The following PREP variants were observed in gnomAD, a reference collection of about 807,000 sequenced individuals.
PREP encodes prolyl endopeptidase, also known as dJ355L5.1 (prolyl endopeptidase).
In PREP, 29 loss-of-function variants were observed where a neutral mutation model predicts 87.6. That is an observed-to-expected ratio of 0.33 (90% CI 0.25 to 0.45). The LOEUF is 0.45. Among genes scored for constraint, PREP ranks in the 20% least tolerant of loss-of-function variants. PREP has a pLI of 1.00. For missense variants in PREP, 695 were observed against 886.5 expected (o/e 0.78, Z 2.74); for synonymous variants, 337 against 328.6 (o/e 1.03, Z -0.28).
chr6:105,302,557 G>A (rs1770560599), intron 10 of PREP: 10 of 393,118 alleles, frequency 2.5e-5, no homozygotes, highest in East Asian at 1.3e-4. Context: ...TGGCGCAGGC[G>A]CATGTTTTCT....
At position 105,369,039 on chromosome 6, in the gene PREP, A is replaced by C; in HGVS notation, c.596-15T>G. ...TGTCTCTGTGCCTGAAGGAGTTAAA[A>C]ATGTACACTGAAATGTACTTGATAA... On this transcript the variant is annotated splice_polypyrimidine_tract_variant and intron_variant, in intron 5 of 14. Coordinates refer to ENST00000652536, the MANE Select transcript of PREP (RefSeq NM_002726.5). 1 of 1,613,300 alleles carries C rather than the reference A, an allele frequency of 6.2e-7. No individual in the cohort carries two copies. The highest frequency in any genetic ancestry group is 8.5e-7 in the Non-Finnish European group (1 of 1,179,418).
intron 10 of PREP, among the ~76,000 whole-genome samples, chr6:105,317,119 A>T (rs946879022): frequency 1.8e-4 from 28 of 151,730 alleles, no homozygotes; most frequent in Non-Finnish European, 4.0e-4. Flanking sequence ...CTAATTAAAA[A>T]AAAATATATA....
intron 1 of PREP, among the ~76,000 whole-genome samples, chr6:105,399,108 AG>A (rs1338379733): frequency 6.6e-6 from 1 of 151,878 alleles, no homozygotes; most frequent in Non-Finnish European, 1.5e-5. Context: ...ACTTCATCTC[AG>A]AAAAAAAAAA....
chr6:105,277,439 C>G lies in PREP; in HGVS notation c.*705G>C, dbSNP rs59679654. ...CAGCCCAGTGATTTTTGAAAGGAGG[C>G]ATCCAAACCAAAAGAGCCCCAGATC... is the stretch of plus-strand genomic sequence containing the variant. On this transcript the variant is annotated 3_prime_UTR_variant, in exon 15 of 15. Coordinates refer to ENST00000652536, the MANE Select transcript of PREP (RefSeq NM_002726.5). 20,678 of 152,046 alleles carry G rather than the reference C, an allele frequency of 0.14. 1,413 individuals are homozygous for G. The highest frequency in any genetic ancestry group is 0.19 in the Middle Eastern group (56 of 294). 9.4% of individuals were successfully genotyped at this position (152,046 alleles called of 1,614,324 possible).
At chr6:105,391,060 C>CTT (rs1554212311) in intron 2 of PREP, among the ~76,000 whole-genome samples, 2 of 140,168 alleles carry the variant, frequency 1.4e-5, no homozygotes, top group Non-Finnish European at 3.1e-5. Context: ...CACACACACA[C>CTT]TTTTTTTTTT....
At chr6:105,386,080 A>AGC (rs1772987850) in intron 2 of PREP, among the ~76,000 whole-genome samples, 1 of 152,218 alleles carries the variant, frequency 6.6e-6, no homozygotes, top group Non-Finnish European at 1.5e-5. Context: ...AGATAGCACC[A>AGC]TTGCACTCCA....
At chr6:105,364,755 G>A (rs1329324420) in intron 6 of PREP, among the ~76,000 whole-genome samples, 2 of 152,168 alleles carry the variant, frequency 1.3e-5, no homozygotes, top group African/African-American at 4.8e-5. Flanking sequence ...CTTGCCCAAG[G>A]CCACAGACCG....
At chr6:105,355,092 GTTTT>G (rs1213054816) in intron 6 of PREP, among the ~76,000 whole-genome samples, 4 of 135,602 alleles carry the variant, frequency 2.9e-5, no homozygotes, top group African/African-American at 1.1e-4. Context: ...TCGGGTTGTA[GTTTT>G]TTTTTTTTTT....
At chr6:105,347,150 GA>G (rs1240702165) in intron 7 of PREP, among the ~76,000 whole-genome samples, 1 of 152,032 alleles carries the variant, frequency 6.6e-6, no homozygotes, top group Non-Finnish European at 1.5e-5. Context: ...GAAAATTAAA[GA>G]ACCAAAGAGA....
intron 4 of PREP, among the ~76,000 whole-genome samples, chr6:105,374,541 G>A (rs1772636375): frequency 6.6e-6 from 1 of 150,680 alleles, no homozygotes; most frequent in Admixed American, 6.6e-5. Flanking sequence ...AGGCTCATAT[G>A]TATGTAAATG....
At chr6:105,395,685 G>A (rs1183220666) in intron 2 of PREP, among the ~76,000 whole-genome samples, 2 of 152,122 alleles carry the variant, frequency 1.3e-5, no homozygotes, top group Non-Finnish European at 2.9e-5. Context: ...TGTCATCCAC[G>A]AACCTGTCAT....
chr6:105,285,549 C>A lies in PREP; in HGVS notation c.1486G>T (p.Gly496Cys). The stretch of plus-strand genomic sequence containing the variant: ...ATGTTGGCCACTGCCAGGATACCAC[C>A]CATGTGTCTCACAAAAATAAGCCTG... ...VSRLIFVRHM[G>C]GILAVANIRG... Residue 496 changes from glycine (G) to cysteine (C), a missense_variant, in exon 12 of 15, where the codon GGT becomes TGT. Gly to Cys is a radical substitution (Grantham distance 159). Coordinates refer to ENST00000652536, the MANE Select transcript of PREP (RefSeq NM_002726.5). The A allele has an allele frequency of 6.2e-7, 1 of 1,614,106 alleles. No homozygotes were observed.
intron 7 of PREP, among the ~76,000 whole-genome samples, chr6:105,334,545 C>T (rs1009363545): frequency 3.3e-5 from 5 of 152,074 alleles, no homozygotes; most frequent in East Asian, 1.9e-4. Flanking sequence ...ACGGTGAAAC[C>T]CTGTCTCTAT....
intron 7 of PREP, among the ~76,000 whole-genome samples, chr6:105,349,342 T>C (rs1005892462): frequency 3.3e-5 from 5 of 152,212 alleles, no homozygotes; most frequent in East Asian, 1.9e-4. Flanking sequence ...TCCACACTTA[T>C]TTGACAAAAT....
At chr6:105,374,645 TA>T in intron 4 of PREP, among the ~76,000 whole-genome samples, 1 of 242 alleles carries the variant, frequency 4.1e-3, no homozygotes, top group Admixed American at 0.056. Context: ...TATATATATA[TA>T]TATATATATA....
intron 6 of PREP, among the ~76,000 whole-genome samples, chr6:105,365,755 C>G (rs187538619): frequency 6.6e-6 from 1 of 152,268 alleles, no homozygotes; most frequent in East Asian, 1.9e-4. Context: ...GGGAAGTCTA[C>G]GCCCACTTCT....
At chr6:105,355,591 G>A (rs1772077251) in intron 6 of PREP, among the ~76,000 whole-genome samples, 1 of 152,122 alleles carries the variant, frequency 6.6e-6, no homozygotes, top group African/African-American at 2.4e-5. Context: ...GTAGTACCCT[G>A]CTTGAGATTA....
chr6:105,338,797 A>C (rs1410633211), intron 7 of PREP, among the ~76,000 whole-genome samples: 4 of 152,184 alleles, frequency 2.6e-5, no homozygotes, highest in Non-Finnish European at 4.4e-5. Context: ...CTGCTAGCAC[A>C]GTAGTCTGAG....
rs1176282046 is a variant in PREP at position 105,285,407 on chromosome 6, CTCAT to C, written c.1549+75_1549+78del. 5.6e-5 allele frequency: 80 copies of C among 1,426,970 alleles called. No individual in the cohort carries two copies. The Admixed American group carries it at 1.3e-3, about 22-fold the overall frequency. 88.4% of individuals were successfully genotyped at this position (1,426,970 alleles called of 1,614,324 possible). A position where few individuals can be genotyped will look rare whatever the true frequency, so the allele number is the denominator to read the frequency against. On this transcript the variant is annotated intron_variant, in intron 12 of 14. Coordinates refer to ENST00000652536, the MANE Select transcript of PREP (RefSeq NM_002726.5). ...GCTTTCCTGCTCCAAACCCCTTCAG[CTCAT>C]TCAAACAGGAAGGATCAGCACAACC...
Sources: gnomAD v4.1 joint callset for allele counts (sites outside exome capture counted in the v4.1 genomes callset) on GRCh38, gnomAD v4.1.1 for gene constraint, MANE v1.5 for transcripts, NCBI Gene and HGNC (gene_info 2026-07-23, HGNC 2026-07-21) for gene names.